Variants in CFAP299 observed in about 807,000 individuals in gnomAD.
CFAP299 encodes cilia- and flagella-associated protein 299.
In CFAP299, 21 loss-of-function variants were observed where a neutral mutation model predicts 27.0. The observed-to-expected ratio is 0.78, with a 90% CI of 0.55 to 1.12. CFAP299 has a LOEUF of 1.12. Ranked by LOEUF, CFAP299 falls within the 50% of genes most tolerant of loss-of-function variation. CFAP299 has a pLI of 0.00. For missense variants in CFAP299, 310 were observed against 276.6 expected (o/e 1.12, Z -0.86); for synonymous variants, 104 against 98.1 (o/e 1.06, Z -0.36).
chr4:80,963,446 T>TA lies in CFAP299; in HGVS notation c.607-61dup, dbSNP rs543176983. On this transcript the variant is annotated intron_variant, in intron 5 of 5. Transcript: ENST00000358105. ...TTTTCTGCAATATAAAGCAAAAAAATAAAAAAAAAATTTTAAAAAAGGCCA... is the reference window on the plus strand; with the variant it reads ...TTTTCTGCAATATAAAGCAAAAAAATAAAAAAAAAAATTTTAAAAAAGGCCA... 5.2e-3 allele frequency: 4,529 copies of TA among 878,708 alleles called. 94 individuals are homozygous for TA. In the African/African-American group the frequency reaches 0.12, roughly 24 times the overall value. The allele number at this position is 878,708 out of a possible 1,614,324, so 54.4% of individuals were successfully genotyped here.
intron 3 of CFAP299, among the ~76,000 whole-genome samples, chr4:80,688,453 G>T (rs1040833748): frequency 3.3e-5 from 5 of 152,056 alleles, no homozygotes; most frequent in African/African-American, 1.2e-4. Flanking sequence ...ACAGCCGGCC[G>T]GGTACTCCAA....
At chr4:80,684,823 A>G (rs562147379) in intron 3 of CFAP299, among the ~76,000 whole-genome samples, 7 of 152,174 alleles carry the variant, frequency 4.6e-5, no homozygotes, top group African/African-American at 1.4e-4. Flanking sequence ...ATCTTTCTGT[A>G]TATTCTCAAG....
intron 2 of CFAP299, among the ~76,000 whole-genome samples, chr4:80,384,999 G>T (rs1238385618): frequency 6.6e-6 from 1 of 151,966 alleles, no homozygotes; most frequent in East Asian, 1.9e-4. Flanking sequence ...TATGTTTAGG[G>T]TATAAAAAGT....
chr4:80,919,979 C>A (rs980232730), intron 4 of CFAP299, among the ~76,000 whole-genome samples: 4 of 152,076 alleles, frequency 2.6e-5, no homozygotes, highest in Non-Finnish European at 4.4e-5. Flanking sequence ...ACTATCTGAC[C>A]TGTTTTAAAA....
chr4:80,395,144 G>A (rs1474169460), intron 2 of CFAP299, among the ~76,000 whole-genome samples: 1 of 151,526 alleles, frequency 6.6e-6, no homozygotes, highest in African/African-American at 2.4e-5. Context: ...TTATCTCATT[G>A]GTTATTTCTA....
intron 3 of CFAP299, among the ~76,000 whole-genome samples, chr4:80,786,261 A>G (rs1224897427): frequency 6.6e-6 from 1 of 152,104 alleles, no homozygotes; most frequent in Non-Finnish European, 1.5e-5. Flanking sequence ...TAATTAAGTC[A>G]TAGTTTGGGG....
intron 2 of CFAP299, among the ~76,000 whole-genome samples, chr4:80,441,333 T>C (rs1408540729): frequency 2.0e-5 from 3 of 151,942 alleles, no homozygotes; most frequent in African/African-American, 7.3e-5. Context: ...CAACAAGAAG[T>C]CCATTGGAGT....
intron 3 of CFAP299, among the ~76,000 whole-genome samples, chr4:80,720,011 T>G (rs1203625539): frequency 6.6e-6 from 1 of 152,182 alleles, no homozygotes; most frequent in Non-Finnish European, 1.5e-5. Context: ...TGTCCCAGAT[T>G]ATTGCCTGGA....
chr4:80,506,642 G>A (rs895512620), intron 2 of CFAP299, among the ~76,000 whole-genome samples: 50 of 152,190 alleles, frequency 3.3e-4, no homozygotes, highest in African/African-American at 1.2e-3. Context: ...ACTGAATTCT[G>A]AAGTAGAAAA....
At chr4:80,744,604 C>T (rs114840135) in intron 3 of CFAP299, among the ~76,000 whole-genome samples, 1,708 of 151,504 alleles carry the variant, frequency 0.011, 33 homozygotes, top group African/African-American at 0.038. Context: ...AAAGGTTGAT[C>T]GCCGTGTTAA....
At chr4:80,392,261 G>C (rs1725524304) in intron 2 of CFAP299, among the ~76,000 whole-genome samples, 1 of 152,162 alleles carries the variant, frequency 6.6e-6, no homozygotes, top group African/African-American at 2.4e-5. Flanking sequence ...CTTTGGGCTT[G>C]GACTTTTGGG....
intron 3 of CFAP299, among the ~76,000 whole-genome samples, chr4:80,661,683 C>T (rs529388724): frequency 6.6e-6 from 1 of 152,050 alleles, no homozygotes; most frequent in Admixed American, 6.5e-5. Context: ...AATCTGGGCA[C>T]CTTGAAAAAA....
chr4:80,631,262 TGTTG>T (rs1739189126), intron 3 of CFAP299, among the ~76,000 whole-genome samples: 1 of 152,034 alleles, frequency 6.6e-6, no homozygotes, highest in African/African-American at 2.4e-5. Flanking sequence ...AAGAAACATT[TGTTG>T]GTATAGCATT....
intron 3 of CFAP299, among the ~76,000 whole-genome samples, chr4:80,647,216 G>C (rs749025099): frequency 5.3e-5 from 8 of 152,010 alleles, no homozygotes; most frequent in Middle Eastern, 3.2e-3. Flanking sequence ...TAGCACTGTT[G>C]GTTACATGTT....
chr4:80,818,464 T>C (rs1729534630), intron 3 of CFAP299, among the ~76,000 whole-genome samples: 1 of 152,148 alleles, frequency 6.6e-6, no homozygotes, highest in Non-Finnish European at 1.5e-5. Flanking sequence ...TCTCTTATAT[T>C]GTATTTGGCT....
At chr4:80,962,362 T>A (rs1258107951) in intron 5 of CFAP299, among the ~76,000 whole-genome samples, 1 of 151,936 alleles carries the variant, frequency 6.6e-6, no homozygotes, top group Non-Finnish European at 1.5e-5. Context: ...TAAAAATAGC[T>A]GCAAAATAGG....
At chr4:80,342,615 A>C (rs1327600210) in intron 1 of CFAP299, among the ~76,000 whole-genome samples, 1 of 152,196 alleles carries the variant, frequency 6.6e-6, no homozygotes, top group Non-Finnish European at 1.5e-5. Flanking sequence ...AGACAAGCAA[A>C]TGCTGAGGAA....
At chr4:80,819,226 A>G (rs536146491) in intron 3 of CFAP299, among the ~76,000 whole-genome samples, 3 of 152,202 alleles carry the variant, frequency 2.0e-5, no homozygotes, top group Admixed American at 6.5e-5. Flanking sequence ...ACAAATTTAG[A>G]GAGTAGAAAG....
At chr4:80,344,611 A>T (rs1722633719) in intron 1 of CFAP299, among the ~76,000 whole-genome samples, 1 of 152,192 alleles carries the variant, frequency 6.6e-6, no homozygotes, top group Non-Finnish European at 1.5e-5. Flanking sequence ...CTATTTCAAA[A>T]AATTGAAAAA....
Sources: allele counts gnomAD v4.1 joint callset (sites outside exome capture counted in the v4.1 genomes callset), GRCh38; gene constraint gnomAD v4.1.1; transcripts MANE v1.5; gene names NCBI Gene and HGNC (gene_info 2026-07-23, HGNC 2026-07-21).